Variants in FBRSL1 observed in about 807,000 individuals in gnomAD.
FBRSL1 encodes the protein fibrosin like 1.
A neutral mutation model predicts 89.6 loss-of-function variants in FBRSL1; 51 were observed. That is an observed-to-expected ratio of 0.57 (90% confidence interval 0.45 to 0.72). The LOEUF (loss-of-function observed/expected upper bound fraction) is 0.72, where lower values mean the gene tolerates loss of function less well. Among genes scored for constraint, FBRSL1 ranks in the 30% least tolerant of loss-of-function variants. The pLI, the probability that FBRSL1 is intolerant of heterozygous loss-of-function variation, is 0.00. For synonymous variants in FBRSL1, 779 were observed against 681.1 expected (o/e 1.14, Z -2.24); for missense variants, 1,618 against 1,451.8 (o/e 1.11, Z -1.86).
chr12:132,506,622 C>G (rs1447427517), intron 1 of FBRSL1, among the ~76,000 whole-genome samples: 1 of 152,274 alleles, frequency 6.6e-6, no homozygotes, highest in Non-Finnish European at 1.5e-5. Context: ...TGGGCTGCAG[C>G]CTTTGATTCA....
chr12:132,574,672 T>C, intron 14 of FBRSL1, 108 bp downstream of exon 14: 1 of 1,365,276 alleles, frequency 7.3e-7, no homozygotes, highest in Non-Finnish European at 9.8e-7. Flanking sequence ...TGTGCACGGG[T>C]GTGATCCTCA....
chr12:132,584,146 C>T lies in FBRSL1; in HGVS notation c.*368C>T, dbSNP rs1444109988. ...CAGTTTAATGGCCTCAGATCCTTCT[C>T]CAGATCCCCAGGGTTTCTTTGTCTT... On this transcript the variant is annotated 3_prime_UTR_variant, in exon 19 of 19. Coordinates refer to ENST00000680143, the MANE Select transcript of FBRSL1 (RefSeq NM_001367871.1). The T allele has an allele frequency of 2.0e-5, 3 of 152,666 alleles. No homozygotes were observed. The highest frequency in any genetic ancestry group is 2.9e-5 in the Non-Finnish European group (2 of 68,342). The allele number at this position is 152,666 out of a possible 1,614,324, so 9.5% of individuals were successfully genotyped here. A position where few individuals can be genotyped will look rare whatever the true frequency, so the allele number is the denominator to read the frequency against.
chr12:132,563,631 AT>A (rs2039330652), intron 5 of FBRSL1, among the ~76,000 whole-genome samples: 1 of 152,050 alleles, frequency 6.6e-6, no homozygotes, highest in African/African-American at 2.4e-5. Flanking sequence ...TGGCAGTAAA[AT>A]TCACCTATTT....
At position 132,563,370 on chromosome 12, in the gene FBRSL1, C is replaced by T. The variant is rs1428175700; in HGVS notation, c.646-4111C>T. On this transcript the variant is annotated intron_variant, in intron 5 of 18. Coordinates refer to ENST00000680143, the MANE Select transcript of FBRSL1 (RefSeq NM_001367871.1). ...ACATCTGGCCCCCCAGCCCGTACCCCACGCCTGGCCCCCACAGCCTGCACC... is the reference window on the plus strand; with the variant it reads ...ACATCTGGCCCCCCAGCCCGTACCCTACGCCTGGCCCCCACAGCCTGCACC... 2.1e-5 allele frequency among the ~76,000 whole-genome samples: 3 copies of T among 140,040 alleles called. No individual in the cohort carries two copies. The East Asian group carries it at 6.7e-4, about 31-fold the overall frequency. 91.9% of individuals were successfully genotyped at this position (140,040 alleles called of 152,430 possible).
chr12:132,507,115 A>G (rs2033780623), intron 1 of FBRSL1: 3 of 813,392 alleles, frequency 3.7e-6, no homozygotes, highest in East Asian at 1.3e-4. Context: ...CCATGGCTCT[A>G]TGCGGGGGCG....
chr12:132,543,381 C>T (rs915574479), intron 4 of FBRSL1, among the ~76,000 whole-genome samples: 54 of 152,332 alleles, frequency 3.5e-4, no homozygotes, highest in Admixed American at 7.2e-4. Flanking sequence ...GGCCAGGACC[C>T]GCCCCCAGAC....
At chr12:132,514,854 G>T (rs971665224) in intron 2 of FBRSL1, among the ~76,000 whole-genome samples, 4 of 152,098 alleles carry the variant, frequency 2.6e-5, no homozygotes, top group African/African-American at 9.7e-5. Context: ...GAAGTATTGC[G>T]TTTCACTCCA....
At chr12:132,562,792 T>C (rs7973839) in intron 5 of FBRSL1, among the ~76,000 whole-genome samples, 78,386 of 151,798 alleles carry the variant, frequency 0.52, 21,315 homozygotes, top group East Asian at 0.85. Flanking sequence ...GGCATGGACC[T>C]GCTGCTCTTC....
At chr12:132,575,932 T>G (rs1406564292) in intron 14 of FBRSL1, among the ~76,000 whole-genome samples, 1 of 152,214 alleles carries the variant, frequency 6.6e-6, no homozygotes, top group Non-Finnish European at 1.5e-5. Flanking sequence ...CTTGTTTGGC[T>G]ACACCCCTCC....
chr12:132,531,622 T>TGTGTTGTGCACATGGCGTTGC (rs1491220781), intron 4 of FBRSL1, among the ~76,000 whole-genome samples: 4 of 152,184 alleles, frequency 2.6e-5, no homozygotes, highest in East Asian at 1.9e-4. Flanking sequence ...CATGTGGCAT[T>TGTGTTGTGCACATGGCGTTGC]GTGTTGTGCA....
intron 6 of FBRSL1, among the ~76,000 whole-genome samples, chr12:132,569,435 G>A (rs1340322266): frequency 1.3e-5 from 2 of 152,130 alleles, no homozygotes; most frequent in Non-Finnish European, 2.9e-5. Flanking sequence ...ACAGCTGTGG[G>A]CGCTGCTGTT....
chr12:132,582,001 CCTGGGGAGTGG>C (rs2040789582), intron 17 of FBRSL1, 50 bp from the exon 18 acceptor site: 6 of 1,428,098 alleles, frequency 4.2e-6, no homozygotes, highest in Non-Finnish European at 5.7e-6. Flanking sequence ...ACCGGGTTCT[CCTGGGGAGTGG>C]CTGGGGAGCA....
chr12:132,539,584 G>C (rs531730661), intron 4 of FBRSL1, among the ~76,000 whole-genome samples: 18 of 18,462 alleles, frequency 9.7e-4, no homozygotes, highest in Admixed American at 2.0e-3. Flanking sequence ...CCTCCAGCCC[G>C]ATGCCCACCC....
intron 2 of FBRSL1, among the ~76,000 whole-genome samples, chr12:132,514,147 C>T (rs1174446780): frequency 1.3e-5 from 2 of 152,162 alleles, no homozygotes; most frequent in African/African-American, 4.8e-5. Context: ...TCGGCTCCTC[C>T]GTGTGTGGGG....
At chr12:132,518,220 C>T (rs896467454) in intron 2 of FBRSL1, among the ~76,000 whole-genome samples, 19 of 152,310 alleles carry the variant, frequency 1.2e-4, no homozygotes, top group African/African-American at 4.6e-4. Context: ...GTATCTCATC[C>T]ATCCATCCAC....
rs950649121 is a variant in FBRSL1, at chr12:132,499,526, G to A, written c.292-8627G>A. ...TTGGGATGGCAGTAAAGAGTCTGTC[G>A]TCGAAGGCTAGGAGTCACAGAGGAG... On this transcript the variant is annotated intron_variant, in intron 1 of 18. Transcript: ENST00000680143. This position sits in a 1 kb window ranked among gnomAD's most constrained non-coding sequence, Gnocchi z 4.3. 8.5e-5 allele frequency among the ~76,000 whole-genome samples: 13 copies of A among 152,228 alleles called. No individual in the cohort carries two copies. Among genetic ancestry groups the A allele is most frequent in the Non-Finnish European group, 1.8e-4 (12 of 68,046 alleles).
intron 2 of FBRSL1, among the ~76,000 whole-genome samples, chr12:132,514,747 G>A (rs2034681782): frequency 6.6e-6 from 1 of 152,194 alleles, no homozygotes; most frequent in African/African-American, 2.4e-5. Context: ...GCAGGGGTGG[G>A]TAGGGCCCTG....
intron 5 of FBRSL1, among the ~76,000 whole-genome samples, chr12:132,561,121 G>C (rs2039088395): frequency 6.6e-6 from 1 of 152,192 alleles, no homozygotes; most frequent in Non-Finnish European, 1.5e-5. Flanking sequence ...CACCTGGCCA[G>C]GTGTTCAGGT....
At chr12:132,540,309 GC>G (rs1248640646) in intron 4 of FBRSL1, among the ~76,000 whole-genome samples, 1 of 46,622 alleles carries the variant, frequency 2.1e-5, no homozygotes, top group Non-Finnish European at 4.3e-5. Flanking sequence ...CCAGCCCCGT[GC>G]CCCCACCCAC....
Sources: allele counts gnomAD v4.1 joint callset (sites outside exome capture counted in the v4.1 genomes callset), GRCh38; gene constraint gnomAD v4.1.1; non-coding constraint Gnocchi (gnomAD v3.1); transcripts MANE v1.5; gene names NCBI Gene and HGNC (gene_info 2026-07-23, HGNC 2026-07-21).